NLK: variants seen among roughly 807,000 people sequenced by gnomAD.
NLK encodes nemo like kinase.
In NLK, 11 loss-of-function variants were observed where a neutral mutation model predicts 59.0. The ratio of observed to expected loss-of-function variants is 0.19; its 90% CI spans 0.12 to 0.31. NLK has a LOEUF of 0.31. Among genes scored for constraint, NLK ranks in the 10% least tolerant of loss-of-function variants. NLK has a pLI of 1.00. For missense variants in NLK, 410 were observed against 661.1 expected (o/e 0.62, Z 4.16); for synonymous variants, 235 against 235.9 (o/e 1.00, Z 0.03).
intron 1 of NLK, among the ~76,000 whole-genome samples, chr17:28,057,646 CAG>C (rs1179717353): frequency 2.0e-5 from 3 of 152,100 alleles, no homozygotes; most frequent in African/African-American, 7.2e-5. Context: ...AATTCTGTGA[CAG>C]AGGACATGAT....
intron 2 of NLK, among the ~76,000 whole-genome samples, chr17:28,126,448 A>C (rs531443924): frequency 1.3e-5 from 2 of 152,236 alleles, no homozygotes; most frequent in African/African-American, 4.8e-5. Flanking sequence ...CAGAGAAGGA[A>C]AATCTTAATA....
At chr17:28,118,620 C>T (rs994683849) in intron 1 of NLK, among the ~76,000 whole-genome samples, 2 of 152,074 alleles carry the variant, frequency 1.3e-5, no homozygotes, top group African/African-American at 4.8e-5. Flanking sequence ...GGCAGTGTTC[C>T]GTTTTCTGGG....
At chr17:28,198,883 G>T (rs897314461), downstream of NLK, among the ~76,000 whole-genome samples, 4 of 152,220 alleles carry the variant, frequency 2.6e-5, no homozygotes, top group African/African-American at 9.6e-5. Flanking sequence ...CCCCTGGAAA[G>T]TAAAGCAAAG....
intron 1 of NLK, among the ~76,000 whole-genome samples, chr17:28,094,904 T>C (rs1904645660): frequency 6.6e-6 from 1 of 152,190 alleles, no homozygotes; most frequent in South Asian, 2.1e-4. Flanking sequence ...CAAATTTGTG[T>C]TTATTTTTTA....
chr17:28,068,700 G>C (rs1909914458), intron 1 of NLK, among the ~76,000 whole-genome samples: 4 of 152,048 alleles, frequency 2.6e-5, no homozygotes, highest in Non-Finnish European at 5.9e-5. Flanking sequence ...ATTTTTTAGA[G>C]ACAAGATCTC....
At chr17:28,057,047 C>T (rs1023776352) in intron 1 of NLK, among the ~76,000 whole-genome samples, 8 of 151,278 alleles carry the variant, frequency 5.3e-5, no homozygotes, top group African/African-American at 1.5e-4. Context: ...CTCCGCCTCC[C>T]GGGTTCAAGC....
intron 1 of NLK, chr17:28,048,393 T>A (rs987044016): frequency 6.8e-6 from 1 of 146,422 alleles, no homozygotes; most frequent in African/African-American, 2.5e-5. Context: ...AAAAAGACAG[T>A]TTTTTTTTTT....
intron 4 of NLK, among the ~76,000 whole-genome samples, chr17:28,162,936 GA>G (rs1432207403): frequency 1.3e-5 from 2 of 150,880 alleles, no homozygotes; most frequent in Non-Finnish European, 2.9e-5. Context: ...AAAAAGAAAA[GA>G]AAAAAAGAAA....
At chr17:28,084,348 A>C (rs1910442786) in intron 1 of NLK, among the ~76,000 whole-genome samples, 1 of 152,198 alleles carries the variant, frequency 6.6e-6, no homozygotes, top group Non-Finnish European at 1.5e-5. Context: ...TCACTGGTTT[A>C]TTAAGATGAA....
intron 2 of NLK, among the ~76,000 whole-genome samples, chr17:28,126,246 A>G (rs1408212357): frequency 7.9e-5 from 12 of 152,358 alleles, no homozygotes; most frequent in African/African-American, 2.6e-4. Flanking sequence ...AATGTATTCA[A>G]AGATTCCCTG....
intron 3 of NLK, among the ~76,000 whole-genome samples, chr17:28,137,473 T>C (rs1246450004): frequency 2.0e-5 from 3 of 152,048 alleles, no homozygotes; most frequent in Admixed American, 6.6e-5. Flanking sequence ...ATTAGAAAAA[T>C]TGGGATATAT....
chr17:28,204,719 T>C, the NLK span, among the ~76,000 whole-genome samples: 3 of 152,290 alleles, frequency 2.0e-5, no homozygotes, highest in Admixed American at 6.5e-5. Flanking sequence ...CATAGAGTGC[T>C]AGAAAGTGGT....
downstream of NLK, among the ~76,000 whole-genome samples, chr17:28,197,596 G>A (rs1192607229): frequency 6.6e-6 from 1 of 152,130 alleles, no homozygotes; most frequent in African/African-American, 2.4e-5. Context: ...TTATTTTTGG[G>A]AATTGCAAAA....
chr17:28,101,913 G>A (rs180944739), intron 1 of NLK, among the ~76,000 whole-genome samples: 1 of 152,016 alleles, frequency 6.6e-6, no homozygotes, highest in Admixed American at 6.5e-5. Context: ...ATTTTATCTT[G>A]AGATTTATTT....
intron 5 of NLK, among the ~76,000 whole-genome samples, chr17:28,164,992 C>CT: frequency 6.6e-6 from 1 of 151,924 alleles, no homozygotes; most frequent in Non-Finnish European, 1.5e-5. Context: ...AAGATGAAAA[C>CT]CTATTTTTCA....
intron 1 of NLK, among the ~76,000 whole-genome samples, chr17:28,074,341 GAAAA>G (rs1277929885): frequency 6.6e-6 from 1 of 152,102 alleles, no homozygotes; most frequent in East Asian, 1.9e-4. Flanking sequence ...AAAAGTTGGA[GAAAA>G]AAATTACGCA....
intron 1 of NLK, among the ~76,000 whole-genome samples, chr17:28,085,807 C>T (rs892479386): frequency 6.6e-6 from 1 of 152,100 alleles, no homozygotes; most frequent in Non-Finnish European, 1.5e-5. Context: ...ATCATAAAGT[C>T]ATAGTGCAAC....
chr17:28,050,911 C>T (rs1040446406), intron 1 of NLK, among the ~76,000 whole-genome samples: 9 of 151,778 alleles, frequency 5.9e-5, no homozygotes, highest in Non-Finnish European at 1.2e-4. Flanking sequence ...TCGAGACCAG[C>T]CTGGACAACA....
In NLK at chr17:28,051,483, C is replaced by T. The variant is rs576782464; in HGVS notation, c.458+8152C>T. On this transcript the variant is annotated intron_variant, in intron 1 of 10. Transcript: ENST00000407008. ...AAGGGATTCTCCTGCCTCAGCCTCC[C>T]GAGTAGCTGGGATTACAGGCACGTG... 3.4e-4 allele frequency among the ~76,000 whole-genome samples: 52 copies of T among 151,820 alleles called. 1 individual carries two copies. Among genetic ancestry groups the T allele is most frequent in the Non-Finnish European group, 6.2e-4 (42 of 67,932 alleles).
Sources: gnomAD v4.1 joint callset for allele counts (sites outside exome capture counted in the v4.1 genomes callset) on GRCh38, gnomAD v4.1.1 for gene constraint, MANE v1.5 for transcripts, NCBI Gene and HGNC (gene_info 2026-07-23, HGNC 2026-07-21) for gene names.